Variants in KDM4C observed in about 807,000 individuals in gnomAD.
KDM4C encodes lysine-specific demethylase 4C.
A neutral mutation model predicts 129.3 loss-of-function variants in KDM4C; 81 were observed. The ratio of observed to expected loss-of-function variants is 0.63; its 90% CI spans 0.52 to 0.75. The LOEUF (loss-of-function observed/expected upper bound fraction) is 0.75. Among genes scored for constraint, KDM4C ranks in the 30% least tolerant of loss-of-function variants. The pLI is 0.00. For synonymous variants in KDM4C, 573 were observed against 456.1 expected, an observed-to-expected ratio of 1.26 and a Z score of -3.26; for missense variants, 1,457 against 1,304.0, an observed-to-expected ratio of 1.12 and a Z score of -1.81.
chr9:7,146,967 T>A (rs1022304427), intron 19 of KDM4C, among the ~76,000 whole-genome samples: 1 of 152,240 alleles, frequency 6.6e-6, no homozygotes, highest in African/African-American at 2.4e-5. Context: ...TTTTGTCTCC[T>A]CCCTATCCTC....
rs76274844 is a variant in KDM4C, at chr9:6,793,119, C to T, written c.131C>T (p.Ala44Val). The change falls in exon 2 of 22, where the codon GCG (alanine) becomes GTG (valine). Residue 44 changes from alanine to valine, a missense_variant. Physicochemically the swap from Ala to Val is moderately conservative, Grantham distance 64. Coordinates refer to ENST00000381309, the MANE Select transcript of KDM4C (RefSeq NM_015061.6). The part of the protein sequence containing the change: ...AYMESKGAHR[A>V]GLAKVIPPKE... ...ATGGAGTCTAAAGGAGCCCATCGTG[C>T]GGGTCTTGCAAAGGTGATTATCCTT... The T allele has an allele frequency of 6.8e-6, 11 of 1,613,500 alleles. No individual in the cohort carries two copies. The highest frequency in any genetic ancestry group is 1.3e-5 in the African/African-American group (1 of 74,826).
At chr9:7,114,368 G>A (rs1838663036) in intron 18 of KDM4C, among the ~76,000 whole-genome samples, 1 of 152,082 alleles carries the variant, frequency 6.6e-6, no homozygotes, top group Non-Finnish European at 1.5e-5. Context: ...ATATGTATAT[G>A]GGTACATTGA....
At chr9:7,022,817 A>G (rs945948202) in intron 15 of KDM4C, among the ~76,000 whole-genome samples, 3 of 152,134 alleles carry the variant, frequency 2.0e-5, no homozygotes, top group African/African-American at 4.8e-5. Context: ...GTGTTGTGGT[A>G]TGTACCTTCT....
chr9:6,871,506 G>T (rs565220426), intron 5 of KDM4C, among the ~76,000 whole-genome samples: 2 of 152,198 alleles, frequency 1.3e-5, no homozygotes, highest in South Asian at 4.1e-4. Context: ...TAGTGACTCA[G>T]TTTTTTAGTG....
intron 18 of KDM4C, among the ~76,000 whole-genome samples, chr9:7,108,247 T>G (rs1837920404): frequency 6.6e-6 from 1 of 151,926 alleles, no homozygotes. Flanking sequence ...TGTTTTTTAT[T>G]TTTTTTTGGG....
chr9:6,966,256 C>T (rs1161923120), intron 8 of KDM4C, among the ~76,000 whole-genome samples: 2 of 152,070 alleles, frequency 1.3e-5, no homozygotes, highest in African/African-American at 4.8e-5. Context: ...GATCTCGGCT[C>T]ACTGCAAGCT....
chr9:6,738,742 A>G (rs935989597), intron 1 of KDM4C, among the ~76,000 whole-genome samples: 3 of 151,718 alleles, frequency 2.0e-5, no homozygotes, highest in Non-Finnish European at 4.4e-5. Flanking sequence ...ACCACGCCCA[A>G]CTAATTTTTC....
intron 1 of KDM4C, among the ~76,000 whole-genome samples, chr9:6,790,040 G>A (rs535614882): frequency 1.1e-3 from 159 of 149,110 alleles, no homozygotes; most frequent in African/African-American, 3.4e-3. Flanking sequence ...TTGGGAGGCC[G>A]AGGCGGGTGG....
intron 1 of KDM4C, among the ~76,000 whole-genome samples, chr9:6,750,606 C>T (rs961237257): frequency 8.5e-5 from 13 of 152,096 alleles, no homozygotes; most frequent in African/African-American, 1.9e-4. Context: ...ATTATAAAAA[C>T]GATGATGCTA....
intron 15 of KDM4C, among the ~76,000 whole-genome samples, chr9:7,022,485 T>C (rs1825040777): frequency 6.6e-6 from 1 of 152,152 alleles, no homozygotes. Context: ...ATGCTTCTGA[T>C]TTTTATGTGT....
intron 1 of KDM4C, among the ~76,000 whole-genome samples, chr9:6,771,547 G>T (rs567939214): frequency 2.0e-5 from 3 of 151,434 alleles, no homozygotes; most frequent in African/African-American, 7.3e-5. Context: ...CTGACCTCAG[G>T]TTATCCACCT....
chr9:6,735,478 G>A (rs1039290133), intron 1 of KDM4C, among the ~76,000 whole-genome samples: 1 of 152,178 alleles, frequency 6.6e-6, no homozygotes, highest in African/African-American at 2.4e-5. Flanking sequence ...GGAGGAACCT[G>A]GTGGGAGGTG....
intron 1 of KDM4C, among the ~76,000 whole-genome samples, chr9:6,765,809 G>C (rs1307949540): frequency 1.3e-5 from 2 of 152,062 alleles, no homozygotes; most frequent in South Asian, 2.1e-4. Context: ...TTTGCAGGGG[G>C]ATGGAGTCTT....
upstream of KDM4C, among the ~76,000 whole-genome samples, chr9:6,755,655 A>T (rs779599119): frequency 6.6e-6 from 1 of 152,252 alleles, no homozygotes; most frequent in Non-Finnish European, 1.5e-5. Flanking sequence ...AGGGGAATCT[A>T]TGTATTGTTC....
intron 15 of KDM4C, among the ~76,000 whole-genome samples, chr9:7,024,124 C>A (rs116026941): frequency 6.6e-6 from 1 of 152,058 alleles, no homozygotes; most frequent in African/African-American, 2.4e-5. Flanking sequence ...ATGAAATGTT[C>A]TGTAAATATC....
chr9:6,927,576 A>T (rs762499746), intron 8 of KDM4C, among the ~76,000 whole-genome samples: 5 of 152,208 alleles, frequency 3.3e-5, no homozygotes, highest in Non-Finnish European at 7.3e-5. Flanking sequence ...TCCCCAAAAG[A>T]AGACCCTTTC....
chr9:7,004,710 T>C (rs1382365246), intron 12 of KDM4C, among the ~76,000 whole-genome samples: 1 of 152,248 alleles, frequency 6.6e-6, no homozygotes, highest in East Asian at 1.9e-4. Flanking sequence ...AGGCTTTTAT[T>C]TTCCCTACAA....
intron 19 of KDM4C, among the ~76,000 whole-genome samples, chr9:7,129,840 A>G (rs1004702056): frequency 2.0e-5 from 3 of 152,150 alleles, no homozygotes; most frequent in Non-Finnish European, 2.9e-5. Flanking sequence ...TCATAACCCT[A>G]CACACTAGGC....
intron 17 of KDM4C, among the ~76,000 whole-genome samples, chr9:7,064,721 T>C (rs79671487): frequency 3.7e-4 from 56 of 152,234 alleles, no homozygotes; most frequent in African/African-American, 1.1e-3. Context: ...AAGAGCGATA[T>C]GCTAGGGGGT....
Sources: gnomAD v4.1 joint callset for allele counts (sites outside exome capture counted in the v4.1 genomes callset) on GRCh38, gnomAD v4.1.1 for gene constraint, MANE v1.5 for transcripts, NCBI Gene and HGNC (gene_info 2026-07-23, HGNC 2026-07-21) for gene names.